RIPOR2: variants seen among roughly 807,000 people sequenced by gnomAD.
The protein encoded by RIPOR2 is RHO family interacting cell polarization regulator 2.
A neutral mutation model predicts 114.5 loss-of-function variants in RIPOR2; 39 were observed. The ratio of observed to expected loss-of-function variants is 0.34; its 90% CI spans 0.26 to 0.44. The LOEUF is 0.44. Among genes scored for constraint, RIPOR2 ranks in the 20% least tolerant of loss-of-function variants. RIPOR2 has a pLI of 1.00. For missense variants in RIPOR2, 1,007 were observed against 1,255.1 expected, an observed-to-expected ratio of 0.80 and a Z score of 2.99; for synonymous variants, 445 against 484.4, an observed-to-expected ratio of 0.92 and a Z score of 1.07.
At chr6:24,839,809 C>T (rs563460910) in intron 13 of RIPOR2, 11 of 1,343,910 alleles carry the variant, frequency 8.2e-6, no homozygotes, top group South Asian at 5.9e-5. Context: ...GCAATGTCTT[C>T]GGTGTTTTAC....
intron 1 of RIPOR2, among the ~76,000 whole-genome samples, chr6:24,980,141 T>G (rs540736320): frequency 2.5e-4 from 38 of 152,360 alleles, no homozygotes; most frequent in African/African-American, 9.1e-4. Context: ...CCAAGTTTTC[T>G]CTGCCATTCC....
At chr6:24,905,546 C>T (rs1438942098) in intron 1 of RIPOR2, among the ~76,000 whole-genome samples, 2 of 152,202 alleles carry the variant, frequency 1.3e-5, no homozygotes, top group Admixed American at 1.3e-4. Context: ...AACCTTGAAC[C>T]TCTGCATATC....
chr6:24,948,848 A>G (rs183552336), intron 1 of RIPOR2, among the ~76,000 whole-genome samples: 10 of 151,972 alleles, frequency 6.6e-5, no homozygotes, highest in Non-Finnish European at 8.8e-5. Context: ...TATTTCAAAC[A>G]TTTTTTTGCC....
At chr6:24,890,149 C>T (rs1767209169) in intron 1 of RIPOR2, among the ~76,000 whole-genome samples, 1 of 152,060 alleles carries the variant, frequency 6.6e-6, no homozygotes, top group African/African-American at 2.4e-5. Context: ...CCCGCCTCAG[C>T]CTCCCAAAGT....
intron 1 of RIPOR2, among the ~76,000 whole-genome samples, chr6:24,953,643 C>T (rs1042118033): frequency 6.6e-6 from 1 of 152,186 alleles, no homozygotes; most frequent in Admixed American, 6.5e-5. Context: ...TCTGCTGAAG[C>T]GGGTCACAAG....
intron 1 of RIPOR2, among the ~76,000 whole-genome samples, chr6:24,997,659 A>G (rs1775104770): frequency 1.3e-5 from 2 of 152,296 alleles, no homozygotes; most frequent in South Asian, 4.1e-4. Context: ...TAACAACCAA[A>G]AATGTCCAAC....
Position 24,883,070 on chromosome 6 carries a change from G to A in RIPOR2, c.62-7253C>T, listed in dbSNP as rs899681585. Among the ~76,000 whole-genome samples, 1 of 152,144 alleles carries A rather than the reference G, an allele frequency of 6.6e-6. No individual in the cohort carries two copies. Among genetic ancestry groups the A allele is most frequent in the Non-Finnish European group, 1.5e-5 (1 of 68,034 alleles). Reference sequence around the variant, plus strand: ...ACATCAAACATCATGAAATTAAAACGAAAATACAATAGCTAGATGCTACTG... The same window carrying A: ...ACATCAAACATCATGAAATTAAAACAAAAATACAATAGCTAGATGCTACTG... On this transcript the variant is annotated intron_variant, in intron 1 of 21. Transcript: ENST00000643898. This position sits in a 1 kb window ranked among gnomAD's most constrained non-coding sequence, Gnocchi z 4.1.
intron 7 of RIPOR2, among the ~76,000 whole-genome samples, chr6:24,861,815 G>A (rs993977390): frequency 1.3e-5 from 2 of 152,334 alleles, no homozygotes; most frequent in East Asian, 3.9e-4. Context: ...GAGAGGGAAA[G>A]CAAATATGGC....
chr6:24,913,792 G>T (rs1769854933), intron 1 of RIPOR2, among the ~76,000 whole-genome samples: 2 of 152,010 alleles, frequency 1.3e-5, no homozygotes, highest in South Asian at 4.2e-4. Flanking sequence ...CCTTAGGCAG[G>T]ATTCTTTATC....
intron 1 of RIPOR2, among the ~76,000 whole-genome samples, chr6:24,989,705 GT>G (rs1356466627): frequency 3.9e-5 from 6 of 152,018 alleles, no homozygotes; most frequent in African/African-American, 1.4e-4. Context: ...CATTTACTAA[GT>G]TTCTTTACTT....
At chr6:25,007,774 T>C (rs1289843812) in intron 1 of RIPOR2, among the ~76,000 whole-genome samples, 1 of 151,928 alleles carries the variant, frequency 6.6e-6, no homozygotes, top group African/African-American at 2.4e-5. Context: ...ATGCCCAGGC[T>C]TTTCTCCCCG....
intron 1 of RIPOR2, among the ~76,000 whole-genome samples, chr6:24,951,079 C>G (rs878879543): frequency 6.6e-6 from 1 of 152,182 alleles, no homozygotes; most frequent in East Asian, 1.9e-4. Context: ...CAGAAGTTCT[C>G]TAGGCAAGAG....
At chr6:24,828,662 A>C (rs896370236) in intron 17 of RIPOR2, among the ~76,000 whole-genome samples, 18 of 152,068 alleles carry the variant, frequency 1.2e-4, no homozygotes, top group Non-Finnish European at 1.6e-4. Flanking sequence ...GCCCCTTCCC[A>C]GTCTATAGCT....
At chr6:24,961,933 A>G (rs996060444) in intron 1 of RIPOR2, among the ~76,000 whole-genome samples, 25 of 152,118 alleles carry the variant, frequency 1.6e-4, no homozygotes, top group African/African-American at 6.0e-4. Context: ...CGCCTATTCT[A>G]AGCATTTTTT....
intron 13 of RIPOR2, chr6:24,840,897 T>TC: frequency 1.1e-6 from 1 of 922,248 alleles, no homozygotes; most frequent in Non-Finnish European, 1.6e-6. Context: ...TTCAGCAGTC[T>TC]CAGGGGGAGA....
intron 14 of RIPOR2, 44 bp from the exon 15 acceptor site, chr6:24,835,915 C>A: frequency 6.5e-7 from 1 of 1,543,218 alleles, no homozygotes; most frequent in Middle Eastern, 2.0e-4. Flanking sequence ...TTTCTGTGCA[C>A]AAACCACAGG....
chr6:25,001,873 C>CT (rs1396712111), intron 1 of RIPOR2, among the ~76,000 whole-genome samples: 5 of 150,440 alleles, frequency 3.3e-5, no homozygotes, highest in East Asian at 2.0e-4. Flanking sequence ...CTATTTTTTT[C>CT]TTTTTTTTGT....
At chr6:24,849,749 A>G in intron 11 of RIPOR2, 53 bp downstream of exon 11, 5 of 1,512,210 alleles carry the variant, frequency 3.3e-6, no homozygotes, top group Non-Finnish European at 4.6e-6. Flanking sequence ...TTTGAGTAGC[A>G]CTAGCCGGTA....
intron 1 of RIPOR2, among the ~76,000 whole-genome samples, chr6:24,981,284 G>GA (rs1417013423): frequency 1.3e-5 from 2 of 152,304 alleles, no homozygotes; most frequent in South Asian, 4.1e-4. Context: ...ATACTAAAAT[G>GA]AAAACAGTCA....
Sources: allele counts gnomAD v4.1 joint callset (sites outside exome capture counted in the v4.1 genomes callset), GRCh38; gene constraint gnomAD v4.1.1; non-coding constraint Gnocchi (gnomAD v3.1); transcripts MANE v1.5; gene names NCBI Gene and HGNC (gene_info 2026-07-23, HGNC 2026-07-21).